ERBB4: variants seen among roughly 807,000 people sequenced by gnomAD.
The protein encoded by ERBB4 is receptor tyrosine-protein kinase erbB-4.
Under a neutral mutation model 158.0 loss-of-function variants are expected in ERBB4, and 42 were observed. The observed-to-expected ratio is 0.27, with a 90% CI of 0.21 to 0.34. ERBB4 has a LOEUF of 0.34. Among genes scored for constraint, ERBB4 ranks in the 10% least tolerant of loss-of-function variants. ERBB4 has a pLI of 1.00. For missense variants in ERBB4, 1,333 were observed against 1,624.1 expected (o/e 0.82, Z 3.08); for synonymous variants, 583 against 558.7 (o/e 1.04, Z -0.61).
intron 3 of ERBB4, among the ~76,000 whole-genome samples, chr2:211,940,273 ATTG>A (rs1186723821): frequency 6.6e-6 from 1 of 152,108 alleles, no homozygotes; most frequent in Non-Finnish European, 1.5e-5. Flanking sequence ...CGATGGAGCC[ATTG>A]TTGTATTAAA....
intron 3 of ERBB4, among the ~76,000 whole-genome samples, chr2:211,821,313 A>G (rs1044143462): frequency 2.6e-4 from 39 of 151,896 alleles, no homozygotes; most frequent in African/African-American, 8.9e-4. Context: ...AATTTAACCA[A>G]GTAGGTAAAA....
At chr2:211,437,457 C>T (rs560312289) in intron 20 of ERBB4, among the ~76,000 whole-genome samples, 65 of 152,260 alleles carry the variant, frequency 4.3e-4, no homozygotes, top group Middle Eastern at 3.4e-3. Flanking sequence ...ATGGTATTGA[C>T]GAAAACCTAG....
intron 25 of ERBB4, among the ~76,000 whole-genome samples, chr2:211,410,927 T>A (rs1198979199): frequency 6.6e-6 from 1 of 152,244 alleles, no homozygotes; most frequent in Non-Finnish European, 1.5e-5. Context: ...TGTTTTATTT[T>A]GAGACAGAGT....
At chr2:212,112,738 C>T (rs1411690412) in intron 2 of ERBB4, among the ~76,000 whole-genome samples, 1 of 152,120 alleles carries the variant, frequency 6.6e-6, no homozygotes, top group African/African-American at 2.4e-5. Flanking sequence ...AGGCATAAAA[C>T]CAGCACAGTG....
At chr2:211,968,960 A>T (rs2081379347) in intron 2 of ERBB4, among the ~76,000 whole-genome samples, 1 of 151,990 alleles carries the variant, frequency 6.6e-6, no homozygotes, top group African/African-American at 2.4e-5. Context: ...TTAGTAATGT[A>T]CATTTTCTGA....
At chr2:211,580,824 T>TATAA (rs1491111562) in intron 19 of ERBB4, among the ~76,000 whole-genome samples, 2 of 13,482 alleles carry the variant, frequency 1.5e-4, no homozygotes, top group African/African-American at 2.0e-4. Context: ...TATATATATA[T>TATAA]TATATATATA....
chr2:212,038,150 C>A (rs2077057524), intron 2 of ERBB4, among the ~76,000 whole-genome samples: 2 of 151,914 alleles, frequency 1.3e-5, no homozygotes, highest in Admixed American at 1.3e-4. Flanking sequence ...CTACTTCCTG[C>A]CTATAGGAGG....
intron 3 of ERBB4, among the ~76,000 whole-genome samples, chr2:211,810,953 C>T (rs2076739494): frequency 1.3e-5 from 2 of 152,086 alleles, no homozygotes; most frequent in Admixed American, 6.5e-5. Flanking sequence ...GGATTACAGG[C>T]GTGAGCCACC....
chr2:211,434,761 T>A (rs1246996968), intron 20 of ERBB4, among the ~76,000 whole-genome samples: 1 of 152,138 alleles, frequency 6.6e-6, no homozygotes, highest in Non-Finnish European at 1.5e-5. Flanking sequence ...TAGGTGACAG[T>A]CTCTAGACAG....
chr2:211,664,443 A>C (rs530189011), intron 15 of ERBB4, among the ~76,000 whole-genome samples: 2 of 152,204 alleles, frequency 1.3e-5, no homozygotes, highest in African/African-American at 2.4e-5. Context: ...TATGGGCAGT[A>C]GGAGGATGGC....
At chr2:211,765,423 A>G (rs186913800) in intron 4 of ERBB4, among the ~76,000 whole-genome samples, 1 of 152,276 alleles carries the variant, frequency 6.6e-6, no homozygotes, top group East Asian at 1.9e-4. Flanking sequence ...AAAGTATTCA[A>G]CGTATATTAT....
At chr2:211,944,945 C>T (rs568890375) in intron 3 of ERBB4, among the ~76,000 whole-genome samples, 1 of 152,010 alleles carries the variant, frequency 6.6e-6, no homozygotes, top group Non-Finnish European at 1.5e-5. Context: ...TTGCTGTCTC[C>T]CCTCATTTTA....
chr2:211,965,475 T>C (rs987320), intron 2 of ERBB4, among the ~76,000 whole-genome samples: 9,962 of 152,226 alleles, frequency 0.065, 669 homozygotes, highest in East Asian at 0.28. Flanking sequence ...TGCTCTAGTG[T>C]TGAAAGATGC....
Position 211,609,384 on chromosome 2 carries a change from C to T in ERBB4, c.2301+9793G>A, listed in dbSNP as rs547849369. On this transcript the variant is annotated intron_variant, in intron 19 of 27. Coordinates refer to ENST00000342788, the MANE Select transcript of ERBB4 (RefSeq NM_005235.3). ...ATCAACAAGAATTTAGACAGACAGG[C>T]CTTGCTGGGTTTCCTCACTCAATTA... is the stretch of plus-strand genomic sequence containing the variant. Among the ~76,000 whole-genome samples, 11 of 152,126 alleles carry T rather than the reference C, an allele frequency of 7.2e-5. 1 individual carries two copies. The highest frequency in any genetic ancestry group is 2.6e-4 in the Admixed American group (4 of 15,290).
chr2:211,525,155 C>T (rs1177503925), intron 20 of ERBB4, among the ~76,000 whole-genome samples: 2 of 152,108 alleles, frequency 1.3e-5, no homozygotes, highest in African/African-American at 2.4e-5. Context: ...TGCTGAGCTA[C>T]GTACTGAGCC....
At chr2:212,171,204 G>T (rs2081506817) in intron 1 of ERBB4, among the ~76,000 whole-genome samples, 1 of 152,074 alleles carries the variant, frequency 6.6e-6, no homozygotes, top group Admixed American at 6.6e-5. Flanking sequence ...TGACTGCCCT[G>T]CTGGATTTCA....
At chr2:211,882,492 A>G (rs2078690522) in intron 3 of ERBB4, among the ~76,000 whole-genome samples, 1 of 152,182 alleles carries the variant, frequency 6.6e-6, no homozygotes, top group Non-Finnish European at 1.5e-5. Flanking sequence ...CTGCTTGTCA[A>G]TTACTAAAAT....
intron 20 of ERBB4, among the ~76,000 whole-genome samples, chr2:211,525,963 C>A (rs2066336538): frequency 6.6e-6 from 1 of 152,076 alleles, no homozygotes; most frequent in African/African-American, 2.4e-5. Flanking sequence ...GTTTTTCACT[C>A]CAGTCCCTAG....
chr2:212,455,399 G>C (rs1688236456), intron 1 of ERBB4, among the ~76,000 whole-genome samples: 1 of 131,602 alleles, frequency 7.6e-6, no homozygotes, highest in South Asian at 2.4e-4. Context: ...CTCTAGCCCT[G>C]AGTTAGCCAG....
Sources: allele counts gnomAD v4.1 joint callset (sites outside exome capture counted in the v4.1 genomes callset), GRCh38; gene constraint gnomAD v4.1.1; transcripts MANE v1.5; gene names NCBI Gene and HGNC (gene_info 2026-07-23, HGNC 2026-07-21).